Variants in LYN observed in about 807,000 individuals in gnomAD.
LYN encodes LYN proto-oncogene, Src family tyrosine kinase.
A neutral mutation model predicts 65.0 loss-of-function variants in LYN; 12 were observed. The ratio of observed to expected loss-of-function variants is 0.18; its 90% confidence interval spans 0.12 to 0.30. LYN has a LOEUF of 0.30. Ranked by LOEUF, LYN falls within the 10% of genes least tolerant of loss-of-function variation. LYN has a pLI of 1.00. For missense variants in LYN, 380 were observed against 623.2 expected (o/e 0.61, Z 4.16); for synonymous variants, 222 against 221.2 (o/e 1.00, Z -0.03).
intron 1 of LYN, among the ~76,000 whole-genome samples, chr8:55,892,148 C>T (rs1162306549): frequency 7.2e-5 from 11 of 152,214 alleles, no homozygotes; most frequent in East Asian, 3.8e-4. Context: ...AAGGCCAGGG[C>T]GCAGTGGCGC....
chr8:55,884,627 TG>T (rs1804740680), intron 1 of LYN, among the ~76,000 whole-genome samples: 1 of 151,724 alleles, frequency 6.6e-6, no homozygotes, highest in Admixed American at 6.6e-5. Flanking sequence ...GGCTAATTTT[TG>T]TATTTTTAGT....
At chr8:55,994,041 A>G (rs917855764) in intron 10 of LYN, among the ~76,000 whole-genome samples, 6 of 152,220 alleles carry the variant, frequency 3.9e-5, no homozygotes, top group African/African-American at 9.6e-5. Flanking sequence ...ACTACATTCA[A>G]TCAGCCAAAG....
intron 9 of LYN, among the ~76,000 whole-genome samples, chr8:55,968,386 G>T (rs1807519708): frequency 6.6e-6 from 1 of 152,126 alleles, no homozygotes; most frequent in African/African-American, 2.4e-5. Flanking sequence ...CTCCCAAGTA[G>T]CTGGGATTAC....
At chr8:55,998,842 G>A (rs1808443589) in intron 11 of LYN, among the ~76,000 whole-genome samples, 1 of 152,174 alleles carries the variant, frequency 6.6e-6, no homozygotes, top group South Asian at 2.1e-4. Flanking sequence ...GGGCTGTGGA[G>A]AAAATATTTG....
intron 1 of LYN, among the ~76,000 whole-genome samples, chr8:55,911,325 C>T (rs557564317): frequency 1.2e-3 from 140 of 120,468 alleles, no homozygotes; most frequent in African/African-American, 4.1e-3. Context: ...TTTCACCATG[C>T]TGGTCAGGCT....
rs1806275301 is a variant in LYN at position 55,931,670 on chromosome 8, A to AT, written c.-5-10184dup. Reference sequence around the variant, plus strand: ...ATTTTTTCACTTAAATATATTGTGAATATCTTTTTATGTCAATAAATATAT... The same window carrying AT: ...ATTTTTTCACTTAAATATATTGTGAATTATCTTTTTATGTCAATAAATATAT... On this transcript the variant is annotated intron_variant, in intron 1 of 12. Coordinates refer to ENST00000519728, the MANE Select transcript of LYN (RefSeq NM_002350.4). Among the ~76,000 whole-genome samples the AT allele has an allele frequency of 2.0e-5, 3 of 152,120 alleles. No homozygotes were observed. In the South Asian group the frequency reaches 6.2e-4, roughly 32 times the overall value.
chr8:55,929,302 AAGTGAGACTAAGACTT>A (rs751472652), intron 1 of LYN, among the ~76,000 whole-genome samples: 9 of 152,204 alleles, frequency 5.9e-5, no homozygotes, highest in Admixed American at 3.3e-4. Context: ...TAGTGAGACT[AAGTGAGACTAAGACTT>A]AGTGAGACTA....
At chr8:55,982,197 T>C (rs1039517202) in intron 10 of LYN, among the ~76,000 whole-genome samples, 2 of 152,232 alleles carry the variant, frequency 1.3e-5, no homozygotes, top group Admixed American at 1.3e-4. Context: ...GGCAATGTTA[T>C]ATGTTACAGA....
rs542701983 is a variant in LYN at position 55,957,349 on chromosome 8, A to G, written c.790+3365A>G. On this transcript the variant is annotated intron_variant, in intron 8 of 12. Transcript: ENST00000519728. The stretch of plus-strand genomic sequence containing the variant: ...TTCCCCAATTTTAATCATAAAACAG[A>G]GCCATAAATAATCCAATTAGACTTT... Among the ~76,000 whole-genome samples the G allele has an allele frequency of 1.1e-4, 17 of 152,352 alleles. No homozygotes were observed. In the South Asian group the frequency reaches 3.3e-3, roughly 30 times the overall value.
intron 2 of LYN, among the ~76,000 whole-genome samples, chr8:55,942,682 G>A (rs950061322): frequency 1.3e-5 from 2 of 151,324 alleles, no homozygotes; most frequent in African/African-American, 4.9e-5. Context: ...CTACTCAGGA[G>A]GCTGAGGCAG....
intron 1 of LYN, among the ~76,000 whole-genome samples, chr8:55,886,978 T>C (rs1349152280): frequency 2.0e-5 from 3 of 152,240 alleles, no homozygotes; most frequent in African/African-American, 4.8e-5. Context: ...TATATTTGTA[T>C]CCATTAATCA....
chr8:55,890,396 G>A (rs1269248209), intron 1 of LYN, among the ~76,000 whole-genome samples: 1 of 152,120 alleles, frequency 6.6e-6, no homozygotes, highest in African/African-American at 2.4e-5. Flanking sequence ...ATCATGTCAT[G>A]TTAAAAAAGA....
intron 10 of LYN, among the ~76,000 whole-genome samples, chr8:55,978,977 C>T (rs571142881): frequency 3.3e-5 from 5 of 152,026 alleles, no homozygotes; most frequent in East Asian, 1.9e-4. Flanking sequence ...CTTCCCTGAC[C>T]GCTCAGCATG....
intron 10 of LYN, among the ~76,000 whole-genome samples, chr8:55,978,767 G>A (rs956605916): frequency 4.6e-5 from 7 of 152,152 alleles, no homozygotes; most frequent in Admixed American, 2.6e-4. Flanking sequence ...AAACTGCCAC[G>A]GGACTTTGCG....
At chr8:55,929,238 G>T (rs1331263201) in intron 1 of LYN, among the ~76,000 whole-genome samples, 2 of 152,130 alleles carry the variant, frequency 1.3e-5, no homozygotes, top group African/African-American at 4.8e-5. Context: ...TGAGAAGCAG[G>T]GATCCGTAGA....
chr8:55,888,072 G>T (rs886488425), intron 1 of LYN, among the ~76,000 whole-genome samples: 3 of 152,188 alleles, frequency 2.0e-5, no homozygotes, highest in African/African-American at 7.2e-5. Context: ...GAGCTGATGC[G>T]CTGTAAATGT....
intron 10 of LYN, among the ~76,000 whole-genome samples, chr8:55,973,622 A>G (rs552835281): frequency 1.3e-5 from 2 of 152,364 alleles, no homozygotes; most frequent in African/African-American, 4.8e-5. Context: ...AACTGAGAGG[A>G]AAGAGCAGTG....
At position 56,011,422 on chromosome 8, in the gene LYN, C is replaced by A. The variant is rs1348687052; in HGVS notation, c.*1312C>A. ...TTGCATTTACATTTTCAGCTGTGGT[C>A]AGTGTAAAAATTGGTCATCAGCTGG... On this transcript the variant is annotated 3_prime_UTR_variant, in exon 13 of 13. Coordinates refer to ENST00000519728, the MANE Select transcript of LYN (RefSeq NM_002350.4). 4.8e-6 allele frequency: 1 copy of A among 208,618 alleles called. No homozygotes were observed. Among genetic ancestry groups the A allele is most frequent in the Non-Finnish European group, 9.8e-6 (1 of 102,528 alleles). 12.9% of individuals were successfully genotyped at this position (208,618 alleles called of 1,614,324 possible). A position where few individuals can be genotyped will look rare whatever the true frequency, so the allele number is the denominator to read the frequency against.
intron 10 of LYN, among the ~76,000 whole-genome samples, chr8:55,986,392 T>G (rs749472116): frequency 7.9e-5 from 12 of 152,214 alleles, no homozygotes; most frequent in Non-Finnish European, 1.8e-4. Context: ...CAGTGAGTTT[T>G]GAAATATCTA....
Sources: allele counts gnomAD v4.1 joint callset (sites outside exome capture counted in the v4.1 genomes callset), GRCh38; gene constraint gnomAD v4.1.1; transcripts MANE v1.5; gene names NCBI Gene and HGNC (gene_info 2026-07-23, HGNC 2026-07-21).